The following BIRC6 variants were observed in gnomAD, a reference collection of about 807,000 sequenced individuals.
BIRC6 encodes dual E2 ubiquitin-conjugating enzyme/E3 ubiquitin-protein ligase BIRC6.
A neutral mutation model predicts 503.3 loss-of-function variants in BIRC6; 98 were observed. The ratio of observed to expected loss-of-function variants is 0.19; its 90% CI spans 0.17 to 0.23. BIRC6 has a LOEUF of 0.23. Among genes scored for constraint, BIRC6 ranks in the 10% least tolerant of loss-of-function variants. The pLI is 1.00. For synonymous variants in BIRC6, 2,240 were observed against 2,078.7 expected (o/e 1.08, Z -2.11); for missense variants, 5,360 against 5,806.0 (o/e 0.92, Z 2.50).
intron 61 of BIRC6, among the ~76,000 whole-genome samples, chr2:32,539,040 C>T (rs1466965503): frequency 6.6e-6 from 1 of 152,064 alleles, no homozygotes; most frequent in South Asian, 2.1e-4. Flanking sequence ...AAGAGATGTG[C>T]TTGAAAGAAA....
At chr2:32,481,857 A>G (rs1357486753) in intron 38 of BIRC6, among the ~76,000 whole-genome samples, 1 of 152,168 alleles carries the variant, frequency 6.6e-6, no homozygotes, top group Non-Finnish European at 1.5e-5. Flanking sequence ...AAATATACAT[A>G]CATTACCACT....
At chr2:32,405,321 T>A (rs2041075265) in intron 8 of BIRC6, among the ~76,000 whole-genome samples, 1 of 152,222 alleles carries the variant, frequency 6.6e-6, no homozygotes, top group Non-Finnish European at 1.5e-5. Flanking sequence ...ATTTTTTGCT[T>A]TTGTAAATTA....
Position 32,443,518 on chromosome 2 carries a change from A to C in BIRC6, c.4266A>C (p.Pro1422=). The C allele has an allele frequency of 6.2e-7, 1 of 1,608,270 alleles. No homozygotes were observed. Among genetic ancestry groups the C allele is most frequent in the Non-Finnish European group, 8.5e-7 (1 of 1,177,576 alleles). Residue 1422 remains proline, a synonymous_variant, in exon 20 of 74, where the codon CCA becomes CCC. Transcript: ENST00000421745. ...ATGGCAAATGTGACCCATGTCAACC[A>C]GCATTTGGACCTGTTCTGTTGAAGG... The part of the protein sequence containing the change: ...ISNGKCDPCQ[P]AFGPVLLKAL...
intron 1 of BIRC6, among the ~76,000 whole-genome samples, chr2:32,373,047 G>A (rs970510354): frequency 6.6e-6 from 1 of 152,132 alleles, no homozygotes; most frequent in African/African-American, 2.4e-5. Flanking sequence ...TGTACCATTT[G>A]TATTTCCTTT....
chr2:32,616,161 C>A (rs1238842420), intron 73 of BIRC6, among the ~76,000 whole-genome samples: 1 of 152,090 alleles, frequency 6.6e-6, no homozygotes, highest in East Asian at 1.9e-4. Context: ...GGGTGCAGTT[C>A]TTTGTTCTTC....
intron 66 of BIRC6, among the ~76,000 whole-genome samples, chr2:32,583,860 A>C (rs2060852556): frequency 6.6e-6 from 1 of 152,082 alleles, no homozygotes; most frequent in African/African-American, 2.4e-5. Flanking sequence ...CCTCCCAAGT[A>C]ACTGGAACTA....
intron 72 of BIRC6, among the ~76,000 whole-genome samples, chr2:32,610,791 T>C (rs370020992): frequency 3.0e-4 from 46 of 152,302 alleles, no homozygotes; most frequent in African/African-American, 1.1e-3. Context: ...TTCTTTTTGA[T>C]GGAGTCTTGC....
chr2:32,383,688 C>T (rs2038027074), intron 3 of BIRC6, among the ~76,000 whole-genome samples: 1 of 152,088 alleles, frequency 6.6e-6, no homozygotes, highest in Non-Finnish European at 1.5e-5. Flanking sequence ...CGGGCCACCA[C>T]ACCTGGCTAA....
At chr2:32,412,141 C>G (rs990483318) in intron 9 of BIRC6, among the ~76,000 whole-genome samples, 5 of 152,016 alleles carry the variant, frequency 3.3e-5, no homozygotes, top group African/African-American at 1.2e-4. Flanking sequence ...TCCTGTGTTT[C>G]AGTATAGAAA....
intron 9 of BIRC6, among the ~76,000 whole-genome samples, chr2:32,413,171 G>A (rs908439494): frequency 4.0e-5 from 6 of 148,514 alleles, no homozygotes; most frequent in African/African-American, 1.2e-4. Flanking sequence ...CACCATGCCC[G>A]GCTAATTTTT....
intron 44 of BIRC6, 65 bp downstream of exon 44, chr2:32,491,623 C>G: frequency 6.7e-7 from 1 of 1,492,618 alleles, no homozygotes; most frequent in Admixed American, 2.1e-5. Flanking sequence ...TAATGTAAAG[C>G]TATGTAACTT....
Position 32,596,365 on chromosome 2 carries a change from A to T in BIRC6, c.13612+1221A>T, listed in dbSNP as rs939829601. Among the ~76,000 whole-genome samples, 3 of 151,452 alleles carry T rather than the reference A, an allele frequency of 2.0e-5. No individual in the cohort carries two copies. The South Asian group carries it at 6.3e-4, about 32-fold the overall frequency. Reference sequence around the variant, plus strand: ...CATGGTGGCAGGCGCCTGTAACCCCAGCTACTCAGGAAGCTGAGGCAGGAG... The same window carrying T: ...CATGGTGGCAGGCGCCTGTAACCCCTGCTACTCAGGAAGCTGAGGCAGGAG... On this transcript the variant is annotated intron_variant, in intron 68 of 73. Transcript: ENST00000421745.
chr2:32,501,533 T>TGA (rs2053196677), intron 46 of BIRC6, among the ~76,000 whole-genome samples, 180 bp from the exon 47 acceptor site: 1 of 152,110 alleles, frequency 6.6e-6, no homozygotes, highest in Non-Finnish European at 1.5e-5. Context: ...AAAAAGTGAC[T>TGA]TTTCAGCTTC....
At chr2:32,524,661 A>C (rs922344558) in intron 57 of BIRC6, 1 of 207,310 alleles carries the variant, frequency 4.8e-6, no homozygotes, top group Non-Finnish European at 9.6e-6. Flanking sequence ...CTTTACAGAG[A>C]TTAGAACTTA....
intron 66 of BIRC6, among the ~76,000 whole-genome samples, chr2:32,585,657 G>C (rs1443117032): frequency 6.6e-6 from 1 of 152,200 alleles, no homozygotes; most frequent in Non-Finnish European, 1.5e-5. Context: ...TGGGATTACA[G>C]GTGTGAGCCA....
rs770338173 is a variant in BIRC6 at position 32,357,257 on chromosome 2, G to T, written c.96G>T (p.Ala32=). The T allele has an allele frequency of 4.0e-5, 61 of 1,522,192 alleles. No individual in the cohort carries two copies. The allele number at this position is 1,522,192 out of a possible 1,614,324, so 94.3% of individuals were successfully genotyped here. A position where few individuals can be genotyped will look rare whatever the true frequency, so the allele number is the denominator to read the frequency against. Residue 32 remains alanine, a synonymous_variant, in exon 1 of 74, where the codon GCG becomes GCT. Transcript: ENST00000421745. This position sits in a 1 kb window ranked among gnomAD's most constrained non-coding sequence, Gnocchi z 4.9. ...GCGCAGGCCGGAAGATGGCGGCTGC[G>T]GCTGCGGCGGCCTCGGGCCCCGGCT... ...VLSAGRKMAA[A]AAAASGPGCS...
chr2:32,613,233 C>T (rs1334295969), intron 73 of BIRC6, among the ~76,000 whole-genome samples: 1 of 151,908 alleles, frequency 6.6e-6, no homozygotes, highest in Non-Finnish European at 1.5e-5. Flanking sequence ...CTGTCTCTCT[C>T]TGCCACTCAG....
In BIRC6 at chr2:32,403,617, G is replaced by GGATTGCTGTA. The variant is rs1351484524; in HGVS notation, c.1418+1995_1418+2004dup. Among the ~76,000 whole-genome samples, 54 of 152,022 alleles carry GGATTGCTGTA rather than the reference G, an allele frequency of 3.6e-4. 1 individual carries two copies. The highest frequency in any genetic ancestry group is 1.3e-3 in the African/African-American group (52 of 41,384). On this transcript the variant is annotated intron_variant, in intron 8 of 73. Transcript: ENST00000421745. ...TTGAATGTAAATGAAATTGTTTATG[G>GGATTGCTGTA]GATTGCTGTAAACCAAGGTACTGTT...
chr2:32,496,944 CT>C (rs1490390578), intron 45 of BIRC6, among the ~76,000 whole-genome samples: 3 of 152,164 alleles, frequency 2.0e-5, no homozygotes, highest in African/African-American at 7.2e-5. Context: ...ACTCTTCCTT[CT>C]TTTTCTCAAT....
Sources: gnomAD v4.1 joint callset for allele counts (sites outside exome capture counted in the v4.1 genomes callset) on GRCh38, gnomAD v4.1.1 for gene constraint, Gnocchi (gnomAD v3.1) non-coding constraint, MANE v1.5 for transcripts, NCBI Gene and HGNC (gene_info 2026-07-23, HGNC 2026-07-21) for gene names.